The following POLR3B variants were observed in gnomAD, a reference collection of about 807,000 sequenced individuals.
POLR3B encodes the protein DNA-directed RNA polymerase III subunit RPC2.
In POLR3B, 96 loss-of-function variants were observed where a neutral mutation model predicts 147.4. The ratio of observed to expected loss-of-function variants is 0.65; its 90% CI spans 0.55 to 0.77. The LOEUF is 0.77. POLR3B is among the 30% of genes least tolerant of loss of function. POLR3B has a pLI of 0.00. For missense variants in POLR3B, 1,036 were observed against 1,413.5 expected (o/e 0.73, Z 4.28); for synonymous variants, 461 against 485.9 (o/e 0.95, Z 0.67).
At chr12:106,495,710 T>C (rs553588364) in intron 23 of POLR3B, among the ~76,000 whole-genome samples, 93 of 152,296 alleles carry the variant, frequency 6.1e-4, no homozygotes, top group Non-Finnish European at 1.2e-3. Flanking sequence ...GCAAAACTGC[T>C]GCTGACTTAA....
chr12:106,494,865 A>G (rs2038455655), intron 23 of POLR3B, among the ~76,000 whole-genome samples: 1 of 152,228 alleles, frequency 6.6e-6, no homozygotes, highest in South Asian at 2.1e-4. Context: ...GTTGTCAGCT[A>G]CAATAAATCA....
chr12:106,483,083 A>G (rs2137060132), intron 23 of POLR3B, among the ~76,000 whole-genome samples: 1 of 152,282 alleles, frequency 6.6e-6, no homozygotes. Flanking sequence ...TATGCTGGGA[A>G]TTGGTTCCAG....
intron 23 of POLR3B, among the ~76,000 whole-genome samples, chr12:106,469,328 T>C (rs1310183530): frequency 6.6e-6 from 1 of 151,808 alleles, no homozygotes; most frequent in East Asian, 1.9e-4. Context: ...CCCTTTATTT[T>C]GAGCCTATGT....
intron 27 of POLR3B, among the ~76,000 whole-genome samples, chr12:106,505,731 G>A (rs1383535117): frequency 1.3e-5 from 2 of 152,170 alleles, no homozygotes; most frequent in Non-Finnish European, 2.9e-5. Context: ...CCAAGATAGA[G>A]TTAGGCCCAA....
At chr12:106,389,445 T>C (rs923895342) in intron 9 of POLR3B, among the ~76,000 whole-genome samples, 3 of 152,154 alleles carry the variant, frequency 2.0e-5, no homozygotes, top group African/African-American at 4.8e-5. Context: ...GTTAGGACAT[T>C]TGAGAATTTT....
chr12:106,492,620 A>G (rs2038421346), intron 23 of POLR3B, among the ~76,000 whole-genome samples: 1 of 152,340 alleles, frequency 6.6e-6, no homozygotes, highest in Non-Finnish European at 1.5e-5. Flanking sequence ...CTATTCTTAA[A>G]TGATTTCTAT....
chr12:106,412,715 T>G (rs1025757971), intron 12 of POLR3B, among the ~76,000 whole-genome samples: 69 of 152,352 alleles, frequency 4.5e-4, no homozygotes, highest in African/African-American at 1.5e-3. Context: ...AAATCTGTAC[T>G]CAGCGGCATT....
intron 7 of POLR3B, among the ~76,000 whole-genome samples, chr12:106,377,515 G>A (rs781001660): frequency 2.4e-4 from 37 of 152,274 alleles, no homozygotes; most frequent in Non-Finnish European, 3.8e-4. Flanking sequence ...GATGATGCAT[G>A]AGTTTTTTTG....
At chr12:106,408,199 T>C (rs1376868971) in intron 11 of POLR3B, among the ~76,000 whole-genome samples, 1 of 152,198 alleles carries the variant, frequency 6.6e-6, no homozygotes, top group Admixed American at 6.5e-5. Flanking sequence ...TACAGAGATA[T>C]GCTGATATTC....
intron 16 of POLR3B, among the ~76,000 whole-genome samples, chr12:106,436,670 T>C (rs916422204): frequency 1.3e-5 from 2 of 152,330 alleles, no homozygotes; most frequent in Admixed American, 6.5e-5. Context: ...GGGAAGTTTT[T>C]AGATTGATAC....
rs774921845 is a variant in POLR3B, at chr12:106,496,719, G to GAGGT, written c.2818-32_2818-29dup. The GAGGT allele has an allele frequency of 8.7e-6, 14 of 1,604,672 alleles. No individual in the cohort carries two copies. In the South Asian group the frequency reaches 1.4e-4, roughly 16 times the overall value. ...GCAGAGAGAGTGCTTGTGCCACAGG[G>GAGGT]AGGTGCTCACTTAATTTGTTCACAT... On this transcript the variant is annotated intron_variant, in intron 24 of 27. Coordinates refer to ENST00000228347, the MANE Select transcript of POLR3B (RefSeq NM_018082.6).
chr12:106,500,084 C>T (rs750494280), intron 25 of POLR3B: 37 of 455,896 alleles, frequency 8.1e-5, no homozygotes, highest in Non-Finnish European at 1.3e-4. Context: ...ACCTGTCGGG[C>T]GCTCTGTGTC....
chr12:106,396,658 C>T (rs546396005), intron 10 of POLR3B, among the ~76,000 whole-genome samples: 54 of 152,220 alleles, frequency 3.5e-4, no homozygotes, highest in East Asian at 2.7e-3. Context: ...GGAAAGCCTT[C>T]GGAGAGGAAG....
chr12:106,477,730 G>A (rs1244946555), intron 23 of POLR3B, among the ~76,000 whole-genome samples: 1 of 151,996 alleles, frequency 6.6e-6, no homozygotes, highest in Admixed American at 6.6e-5. Flanking sequence ...GCTCGCGCAG[G>A]GTACGCGCAC....
At position 106,501,304 on chromosome 12, in the gene POLR3B, C is replaced by A. The variant is rs1281596712; in HGVS notation, c.2985-19C>A. ...CCAAACTTAGTTTCTTAACCCACAACAATTGATCTTTCTTTCAGTGAGCCC... is the reference window on the plus strand; with the variant it reads ...CCAAACTTAGTTTCTTAACCCACAAAAATTGATCTTTCTTTCAGTGAGCCC... On this transcript the variant is annotated intron_variant, in intron 25 of 27. Coordinates refer to ENST00000228347, the MANE Select transcript of POLR3B (RefSeq NM_018082.6). 7.3e-6 allele frequency: 11 copies of A among 1,517,194 alleles called. No individual in the cohort carries two copies. The highest frequency in any genetic ancestry group is 1.7e-5 in the Admixed American group (1 of 59,870). The allele number at this position is 1,517,194 out of a possible 1,614,324, so 94.0% of individuals were successfully genotyped here.
chr12:106,506,853 T>G (rs2038695773), intron 27 of POLR3B, among the ~76,000 whole-genome samples: 1 of 152,200 alleles, frequency 6.6e-6, no homozygotes, highest in Non-Finnish European at 1.5e-5. Flanking sequence ...AGCGTAATGA[T>G]GCTGTCATTT....
intron 6 of POLR3B, among the ~76,000 whole-genome samples, chr12:106,370,584 AT>A (rs1278490672): frequency 2.0e-5 from 3 of 148,612 alleles, no homozygotes; most frequent in African/African-American, 7.4e-5. Flanking sequence ...TAAAATGTTC[AT>A]CTTGGTTTTA....
chr12:106,403,215 A>G (rs1400010615), intron 10 of POLR3B, among the ~76,000 whole-genome samples: 3 of 151,984 alleles, frequency 2.0e-5, no homozygotes, highest in African/African-American at 7.3e-5. Context: ...AAAAATGCTC[A>G]TCATCACTGG....
intron 12 of POLR3B, among the ~76,000 whole-genome samples, chr12:106,415,481 G>T (rs1383661210): frequency 6.6e-6 from 1 of 152,146 alleles, no homozygotes; most frequent in East Asian, 1.9e-4. Context: ...AATAACTAAA[G>T]ATATGGTAAC....
Sources: allele counts gnomAD v4.1 joint callset (sites outside exome capture counted in the v4.1 genomes callset), GRCh38; gene constraint gnomAD v4.1.1; transcripts MANE v1.5; gene names NCBI Gene and HGNC (gene_info 2026-07-23, HGNC 2026-07-21).